Variants in EPHA6 observed in about 807,000 individuals in gnomAD.
The protein encoded by EPHA6 is ephrin type-A receptor 6.
Under a neutral mutation model 112.0 loss-of-function variants are expected in EPHA6, and 50 were observed. The observed-to-expected ratio is 0.45, with a 90% CI of 0.36 to 0.56. The LOEUF is 0.56. Ranked by LOEUF, EPHA6 falls within the 20% of genes least tolerant of loss-of-function variation. The pLI is 0.00. For synonymous variants in EPHA6, 529 were observed against 490.7 expected (o/e 1.08, Z -1.03); for missense variants, 1,280 against 1,417.4 (o/e 0.90, Z 1.56).
At chr3:97,462,274 T>G (rs961037131) in intron 7 of EPHA6, among the ~76,000 whole-genome samples, 6 of 152,144 alleles carry the variant, frequency 3.9e-5, no homozygotes, top group African/African-American at 1.4e-4. Flanking sequence ...ATAAAACATG[T>G]TTTTTAATAT....
At chr3:97,298,458 C>T (rs1040143517) in intron 5 of EPHA6, among the ~76,000 whole-genome samples, 1 of 152,136 alleles carries the variant, frequency 6.6e-6, no homozygotes, top group African/African-American at 2.4e-5. Context: ...ATGGGGACAA[C>T]TTAGTAAATA....
chr3:97,371,129 C>T (rs1470718713), intron 5 of EPHA6, among the ~76,000 whole-genome samples: 1 of 150,380 alleles, frequency 6.6e-6, no homozygotes, highest in African/African-American at 2.5e-5. Context: ...AAAGCTTTTT[C>T]GTTACCAATA....
chr3:96,926,390 C>T (rs1559837560), intron 2 of EPHA6, among the ~76,000 whole-genome samples: 1 of 152,070 alleles, frequency 6.6e-6, no homozygotes, highest in Admixed American at 6.6e-5. Context: ...TCCATCCCTG[C>T]CCCCCTGCCC....
chr3:97,598,879 C>G (rs1188383636), intron 12 of EPHA6, among the ~76,000 whole-genome samples: 10 of 149,824 alleles, frequency 6.7e-5, no homozygotes, highest in East Asian at 2.5e-4. Flanking sequence ...TACAGTCCCA[C>G]CAACAGTGTA....
chr3:97,555,754 A>G (rs962858184), intron 11 of EPHA6, among the ~76,000 whole-genome samples: 2 of 151,706 alleles, frequency 1.3e-5, no homozygotes, highest in African/African-American at 2.4e-5. Context: ...CATATCCTTC[A>G]CCCACTTTTT....
At chr3:97,250,815 G>GT (rs2079115079) in intron 5 of EPHA6, among the ~76,000 whole-genome samples, 1 of 151,860 alleles carries the variant, frequency 6.6e-6, no homozygotes, top group Admixed American at 6.6e-5. Context: ...GATTCATTAT[G>GT]TATGTTGTTA....
intron 3 of EPHA6, among the ~76,000 whole-genome samples, chr3:97,084,067 AGTGTGTGTGT>A (rs145113129): frequency 3.6e-5 from 4 of 109,696 alleles, no homozygotes; most frequent in Non-Finnish European, 3.7e-5. Context: ...TATTTCTTAA[AGTGTGTGTGT>A]GTGTGTGTGT....
At chr3:97,543,405 A>G (rs1177788639) in intron 11 of EPHA6, among the ~76,000 whole-genome samples, 4 of 152,186 alleles carry the variant, frequency 2.6e-5, no homozygotes, top group Non-Finnish European at 5.9e-5. Context: ...AGATAGCTGT[A>G]GATATGCAGC....
intron 3 of EPHA6, among the ~76,000 whole-genome samples, chr3:97,077,150 A>G (rs930641174): frequency 2.6e-5 from 4 of 152,180 alleles, no homozygotes; most frequent in African/African-American, 9.6e-5. Context: ...TGAATCTGGC[A>G]AAATAAATTG....
At chr3:97,467,700 C>G (rs765008022) in intron 7 of EPHA6, among the ~76,000 whole-genome samples, 20 of 151,614 alleles carry the variant, frequency 1.3e-4, no homozygotes, top group Admixed American at 1.3e-4. Context: ...CTGCCAGTAA[C>G]AATATGAAAT....
chr3:97,642,033 T>C (rs1160752294), intron 14 of EPHA6, among the ~76,000 whole-genome samples: 2 of 148,262 alleles, frequency 1.3e-5, no homozygotes, highest in African/African-American at 5.0e-5. Context: ...CAGACTTAAA[T>C]GTCCCTGTCT....
chr3:96,980,207 C>A (rs1247161495), intron 2 of EPHA6, among the ~76,000 whole-genome samples: 2 of 152,154 alleles, frequency 1.3e-5, no homozygotes, highest in African/African-American at 4.8e-5. Context: ...AGTCTTTAAT[C>A]CATCTTGAAT....
chr3:97,441,627 G>T (rs1418988455), intron 6 of EPHA6, among the ~76,000 whole-genome samples: 5 of 151,982 alleles, frequency 3.3e-5, no homozygotes, highest in African/African-American at 1.2e-4. Context: ...TTTTTGGTTT[G>T]CACAGTAAAA....
At chr3:97,165,915 G>T (rs578231739) in intron 3 of EPHA6, among the ~76,000 whole-genome samples, 1 of 152,186 alleles carries the variant, frequency 6.6e-6, no homozygotes, top group South Asian at 2.1e-4. Flanking sequence ...AATCAAGTTT[G>T]CAATGCAGTC....
intron 5 of EPHA6, among the ~76,000 whole-genome samples, chr3:97,384,906 T>C (rs1423793732): frequency 6.6e-6 from 1 of 152,158 alleles, no homozygotes; most frequent in Non-Finnish European, 1.5e-5. Flanking sequence ...TTATGAGCAG[T>C]GATATGCTGA....
chr3:96,959,613 G>T (rs1436166948), intron 2 of EPHA6, among the ~76,000 whole-genome samples: 9 of 151,838 alleles, frequency 5.9e-5, no homozygotes, highest in African/African-American at 1.7e-4. Context: ...ATTCTTTTAA[G>T]ATTTTTATAG....
chr3:97,470,725 C>A (rs566704752), intron 7 of EPHA6, among the ~76,000 whole-genome samples: 1 of 151,598 alleles, frequency 6.6e-6, no homozygotes, highest in South Asian at 2.1e-4. Context: ...CAACTTATGC[C>A]AAACGCTGTT....
chr3:97,697,592 T>C (rs950058120), intron 14 of EPHA6, among the ~76,000 whole-genome samples: 2 of 152,164 alleles, frequency 1.3e-5, no homozygotes, highest in Admixed American at 6.5e-5. Flanking sequence ...ATGCGTGCAA[T>C]TTCAGTAGGG....
chr3:97,758,768 G>C lies in EPHA6; in HGVS notation c.*10067G>C, dbSNP rs1040786848. Among the ~76,000 whole-genome samples the C allele has an allele frequency of 2.3e-4, 35 of 151,858 alleles. No individual in the cohort carries two copies. Among genetic ancestry groups the C allele is most frequent in the African/African-American group, 7.7e-4 (32 of 41,392 alleles). On this transcript the variant is annotated 3_prime_UTR_variant, in exon 18 of 18. Coordinates refer to ENST00000389672, the MANE Select transcript of EPHA6 (RefSeq NM_001080448.3). ...GGAAGCATCCATGAGAAGATATGGGGGAAGAGCATTACAAGCAGAGGGAAA... is the reference window on the plus strand; with the variant it reads ...GGAAGCATCCATGAGAAGATATGGGCGAAGAGCATTACAAGCAGAGGGAAA...
Sources: allele counts gnomAD v4.1 joint callset (sites outside exome capture counted in the v4.1 genomes callset), GRCh38; gene constraint gnomAD v4.1.1; transcripts MANE v1.5; gene names NCBI Gene and HGNC (gene_info 2026-07-23, HGNC 2026-07-21).